The following SCFD2 variants were observed in gnomAD, a reference collection of about 807,000 sequenced individuals.
SCFD2 encodes sec1 family domain-containing protein 2.
In SCFD2, 54 loss-of-function variants were observed where a neutral mutation model predicts 58.9. The observed-to-expected ratio is 0.92, with a 90% CI of 0.74 to 1.15. The LOEUF (loss-of-function observed/expected upper bound fraction) is 1.15, where lower values mean the gene tolerates loss of function less well. SCFD2 is among the 50% of genes most tolerant of loss of function. The pLI, the probability that SCFD2 is intolerant of heterozygous loss-of-function variation, is 0.00. For synonymous variants in SCFD2, 321 were observed against 335.9 expected (o/e 0.96, Z 0.49); for missense variants, 805 against 836.6 (o/e 0.96, Z 0.47).
chr4:52,903,302 T>C (rs573600384), intron 7 of SCFD2, among the ~76,000 whole-genome samples: 1 of 152,262 alleles, frequency 6.6e-6, no homozygotes, highest in Non-Finnish European at 1.5e-5. Flanking sequence ...CTGCTGCTTC[T>C]TTGGGGTTAC....
At position 53,083,237 on chromosome 4, in the gene SCFD2, G is replaced by A. The variant is rs117754537; in HGVS notation, c.1561+62096C>T. ...ACAGAAAGAAAGAAGAAGAACTGTA[G>A]AGAAAGCCTCAATATTCTTGAGAAT... On this transcript the variant is annotated intron_variant, in intron 5 of 8. Transcript: ENST00000401642. Among the ~76,000 whole-genome samples the A allele has an allele frequency of 2.0e-4, 31 of 152,220 alleles. No individual in the cohort carries two copies. In the East Asian group the frequency reaches 5.4e-3, roughly 27 times the overall value.
At chr4:53,076,266 C>A (rs1446585316) in intron 5 of SCFD2, among the ~76,000 whole-genome samples, 5 of 145,740 alleles carry the variant, frequency 3.4e-5, no homozygotes, top group Admixed American at 2.8e-4. Flanking sequence ...CAAAAACATT[C>A]AGTTATTTTC....
At chr4:53,224,511 C>T (rs1418756552) in intron 4 of SCFD2, among the ~76,000 whole-genome samples, 1 of 152,162 alleles carries the variant, frequency 6.6e-6, no homozygotes, top group Non-Finnish European at 1.5e-5. Flanking sequence ...AGAGGCCATG[C>T]GTAGGCACTG....
intron 5 of SCFD2, among the ~76,000 whole-genome samples, chr4:52,986,145 C>A (rs1481824646): frequency 6.6e-6 from 1 of 152,096 alleles, no homozygotes; most frequent in Non-Finnish European, 1.5e-5. Flanking sequence ...CAGAGCTGAG[C>A]CTCTTTGCCC....
Position 53,027,813 on chromosome 4 carries a change from G to A in SCFD2, c.1562-106943C>T, listed in dbSNP as rs143983211. Among the ~76,000 whole-genome samples, 3 of 152,290 alleles carry A rather than the reference G, an allele frequency of 2.0e-5. No individual in the cohort carries two copies. In the East Asian group the frequency reaches 5.8e-4, roughly 29 times the overall value. On this transcript the variant is annotated intron_variant, in intron 5 of 8. Transcript: ENST00000401642. ...ACTGCATTCCAGCCTGGGTGACAGA[G>A]TGAGACCCCATCTCTAAATAAATAC...
intron 5 of SCFD2, among the ~76,000 whole-genome samples, chr4:53,008,490 TATC>T (rs758925310): frequency 7.2e-5 from 11 of 152,306 alleles, no homozygotes; most frequent in African/African-American, 2.4e-4. Flanking sequence ...TTTTTAAACT[TATC>T]ATATTCATTT....
At chr4:53,238,101 G>C (rs1458535572) in intron 4 of SCFD2, among the ~76,000 whole-genome samples, 1 of 126,986 alleles carries the variant, frequency 7.9e-6, no homozygotes, top group African/African-American at 3.0e-5. Context: ...CGGGCAGAGG[G>C]GCTCCTCACT....
chr4:53,224,050 C>T (rs1031165363), intron 4 of SCFD2, among the ~76,000 whole-genome samples: 1 of 152,026 alleles, frequency 6.6e-6, no homozygotes, highest in African/African-American at 2.4e-5. Flanking sequence ...TTCCTTCATT[C>T]TAGCTAGTCA....
At chr4:53,140,124 A>T (rs1480004857) in intron 5 of SCFD2, among the ~76,000 whole-genome samples, 1 of 151,852 alleles carries the variant, frequency 6.6e-6, no homozygotes, top group East Asian at 1.9e-4. Context: ...TCACATGTTT[A>T]TCTGCTGACC....
intron 5 of SCFD2, among the ~76,000 whole-genome samples, chr4:52,928,483 G>A (rs1242263507): frequency 3.9e-5 from 6 of 152,128 alleles, no homozygotes; most frequent in African/African-American, 1.4e-4. Flanking sequence ...TAGTGAGGAA[G>A]GCAGACTAAC....
intron 4 of SCFD2, among the ~76,000 whole-genome samples, chr4:53,236,645 C>A (rs1376046050): frequency 6.7e-6 from 1 of 149,608 alleles, no homozygotes; most frequent in Non-Finnish European, 1.5e-5. Context: ...AAATGTCTGG[C>A]ATGTTTTTTT....
intron 4 of SCFD2, among the ~76,000 whole-genome samples, chr4:53,264,389 T>C (rs1356941460): frequency 6.6e-6 from 1 of 152,220 alleles, no homozygotes; most frequent in African/African-American, 2.4e-5. Flanking sequence ...CACACACTGC[T>C]CTGAGTGGGA....
chr4:53,023,917 C>T (rs544923186), intron 5 of SCFD2, among the ~76,000 whole-genome samples: 8 of 152,160 alleles, frequency 5.3e-5, no homozygotes, highest in Non-Finnish European at 8.8e-5. Flanking sequence ...AACTTCATCT[C>T]GACATTGAGA....
At chr4:53,228,427 T>A (rs1452508496) in intron 4 of SCFD2, among the ~76,000 whole-genome samples, 3 of 152,182 alleles carry the variant, frequency 2.0e-5, no homozygotes, top group Non-Finnish European at 4.4e-5. Flanking sequence ...GTACAAGTTG[T>A]CACTTAAACT....
At chr4:52,892,051 C>T (rs1418565603) in intron 7 of SCFD2, among the ~76,000 whole-genome samples, 3 of 152,244 alleles carry the variant, frequency 2.0e-5, no homozygotes, top group African/African-American at 7.2e-5. Flanking sequence ...CTACCACTGG[C>T]CCAAGCTCTG....
chr4:53,035,788 G>A lies in SCFD2; in HGVS notation c.1561+109545C>T, dbSNP rs192180909. Among the ~76,000 whole-genome samples, 294 of 152,192 alleles carry A rather than the reference G, an allele frequency of 1.9e-3. 1 individual carries two copies. Among genetic ancestry groups the A allele is most frequent in the African/African-American group, 6.7e-3 (280 of 41,532 alleles). On this transcript the variant is annotated intron_variant, in intron 5 of 8. Coordinates refer to ENST00000401642, the MANE Select transcript of SCFD2 (RefSeq NM_152540.4). ...AAACCACAATGAGATACCATCTCAC[G>A]CCAGCTAGAATGGCGATCATTAAAA...
At chr4:53,139,102 C>T (rs913500678) in intron 5 of SCFD2, among the ~76,000 whole-genome samples, 6 of 152,164 alleles carry the variant, frequency 3.9e-5, no homozygotes, top group African/African-American at 1.4e-4. Flanking sequence ...AGCTCCTGAC[C>T]GCAAGTGATC....
At chr4:53,315,174 C>T (rs1490996062) in intron 2 of SCFD2, among the ~76,000 whole-genome samples, 2 of 134,124 alleles carry the variant, frequency 1.5e-5, no homozygotes, top group Admixed American at 8.3e-5. Flanking sequence ...AAATGATGAG[C>T]AAGTACAAAG....
chr4:52,884,636 T>C (rs1228023180), intron 8 of SCFD2, among the ~76,000 whole-genome samples: 1 of 152,152 alleles, frequency 6.6e-6, no homozygotes, highest in Non-Finnish European at 1.5e-5. Context: ...CTACCTGCTC[T>C]CTCATCCCTG....
Sources: allele counts gnomAD v4.1 joint callset (sites outside exome capture counted in the v4.1 genomes callset), GRCh38; gene constraint gnomAD v4.1.1; transcripts MANE v1.5; gene names NCBI Gene and HGNC (gene_info 2026-07-23, HGNC 2026-07-21).